Variants in SCN3A observed in about 807,000 individuals in gnomAD.
The protein encoded by SCN3A is sodium voltage-gated channel alpha subunit 3.
A neutral mutation model predicts 187.6 loss-of-function variants in SCN3A; 60 were observed. The ratio of observed to expected loss-of-function variants is 0.32; its 90% CI spans 0.26 to 0.40. The LOEUF is 0.40. Among genes scored for constraint, SCN3A ranks in the 10% least tolerant of loss-of-function variants. The pLI, the probability that SCN3A is intolerant of heterozygous loss-of-function variation, is 1.00. For synonymous variants in SCN3A, 788 were observed against 829.2 expected, an observed-to-expected ratio of 0.95 and a Z score of 0.85; for missense variants, 1,601 against 2,428.2, an observed-to-expected ratio of 0.66 and a Z score of 7.16.
chr2:165,163,570 T>C lies in SCN3A; in HGVS notation c.694+48A>G, dbSNP rs770045622. 3.1e-5 allele frequency: 50 copies of C among 1,598,412 alleles called. No homozygotes were observed. The Admixed American group carries it at 8.5e-4, about 27-fold the overall frequency. On this transcript the variant is annotated intron_variant, in intron 7 of 27. Transcript: ENST00000283254. ...ATGCTGTAAGTCATATAAATTGATT[T>C]CAAACTCAATAATTAAAGTCAACCT...
Position 165,112,896 on chromosome 2 carries a change from A to G in SCN3A, c.3832T>C (p.Leu1278=). Residue 1278 remains leucine, a synonymous_variant, in exon 21 of 28, where the codon TTG becomes CTG. Transcript: ENST00000283254. ...FTNAWCWLDF[L]IVDVSLVSLV... ...CTTAAAATACTTACATCAACGATCA[A>G]GAAATCTAGCCAGCACCAGGCATTA... 1 of 1,613,334 alleles carries G rather than the reference A, an allele frequency of 6.2e-7. No homozygotes were observed. Among genetic ancestry groups the G allele is most frequent in the Admixed American group, 1.7e-5 (1 of 60,000 alleles).
intron 9 of SCN3A, among the ~76,000 whole-genome samples, chr2:165,160,199 C>T (rs1391359120): frequency 1.1e-5 from 1 of 89,198 alleles, no homozygotes; most frequent in Non-Finnish European, 1.9e-5. Context: ...GCCTGTAATC[C>T]CCAGCACTTT....
intron 19 of SCN3A, among the ~76,000 whole-genome samples, chr2:165,115,221 A>AT (rs1159225329): frequency 2.0e-5 from 3 of 147,586 alleles, no homozygotes; most frequent in African/African-American, 7.4e-5. Flanking sequence ...GAGCTAATTT[A>AT]TTTTTTCTTT....
intron 23 of SCN3A, among the ~76,000 whole-genome samples, chr2:165,096,806 A>G (rs1051132463): frequency 3.9e-5 from 6 of 152,182 alleles, no homozygotes; most frequent in Non-Finnish European, 8.8e-5. Context: ...CTTATATGTT[A>G]AAGTGTAAGC....
intron 1 of SCN3A, among the ~76,000 whole-genome samples, chr2:165,190,993 C>T (rs1559280092): frequency 2.0e-5 from 3 of 151,026 alleles, no homozygotes; most frequent in Non-Finnish European, 1.5e-5. Context: ...ACAGATAATG[C>T]TGATGTTGCC....
rs769517802 is a variant in SCN3A, at chr2:165,097,303, C to G, written c.4188G>C (p.Val1396=). 1.3e-5 allele frequency: 21 copies of G among 1,614,088 alleles called. No homozygotes were observed. The highest frequency in any genetic ancestry group is 1.8e-5 in the Non-Finnish European group (21 of 1,179,978). Residue 1396 remains valine (V), a synonymous_variant, in exon 23 of 28, where the codon GTG becomes GTC. Coordinates refer to ENST00000283254, the MANE Select transcript of SCN3A (RefSeq NM_006922.4). ...CGCCAACATTATCAAAGTTTACTTT[C>G]ACGTTTTTCCACCGAGCTTGCTTGC... ...ALGKQARWKN[V]KVNFDNVGAG...
Position 165,162,623 on chromosome 2 carries a change from A to G in SCN3A, c.900T>C (p.Asp300=). The G allele has an allele frequency of 6.2e-7, 1 of 1,614,152 alleles. No individual in the cohort carries two copies. ...TTACATTAACAAATGTCCCATTTGAATCCATTGTGCCATTAAAGTAGGAAG... is the reference window on the plus strand; with the variant it reads ...TTACATTAACAAATGTCCCATTTGAGTCCATTGTGCCATTAAAGTAGGAAG... ...NTTSYFNGTM[D]SNGTFVNVTM... Residue 300 remains aspartate, a synonymous_variant, in exon 8 of 28, where the codon GAT becomes GAC. Coordinates refer to ENST00000283254, the MANE Select transcript of SCN3A (RefSeq NM_006922.4).
intron 2 of SCN3A, among the ~76,000 whole-genome samples, chr2:165,185,016 G>A (rs1223234550): frequency 6.6e-6 from 1 of 150,910 alleles, no homozygotes; most frequent in Non-Finnish European, 1.5e-5. Flanking sequence ...TTAACGAGAT[G>A]ATCTATTTCT....
Position 165,140,910 on chromosome 2 carries a change from A to G in SCN3A, c.1760T>C (p.Val587Ala), listed in dbSNP as rs794727101. Residue 587 changes from valine to alanine, a missense_variant, in exon 13 of 28, where the codon GTT (valine) becomes GCT (alanine). Physicochemically the swap from Val to Ala is moderately conservative, Grantham distance 64. Transcript: ENST00000283254. The surrounding 1 kb of genome is among the most constrained non-coding windows in gnomAD (Gnocchi z 4.2). Reference protein sequence around the residue: ...IFSFRGRAKDVGSENDFADDE... With the variant: ...IFSFRGRAKDAGSENDFADDE... ...ATCAGCAAAGTCATTTTCAGATCCAACATCCTTTGCCCGACCTCTGAAACT... is the reference window on the plus strand; with the variant it reads ...ATCAGCAAAGTCATTTTCAGATCCAGCATCCTTTGCCCGACCTCTGAAACT... 2 of 1,614,036 alleles carry G rather than the reference A, an allele frequency of 1.2e-6. No homozygotes were observed. The highest frequency in any genetic ancestry group is 2.2e-5 in the East Asian group (1 of 44,872).
intron 15 of SCN3A, among the ~76,000 whole-genome samples, chr2:165,134,182 A>T (rs1418260439): frequency 6.6e-6 from 1 of 152,210 alleles, no homozygotes; most frequent in Non-Finnish European, 1.5e-5. Context: ...ATAAATGTGT[A>T]TTTGACAATA....
intron 1 of SCN3A, among the ~76,000 whole-genome samples, chr2:165,188,827 A>G (rs1048514636): frequency 6.7e-6 from 1 of 148,676 alleles, no homozygotes; most frequent in South Asian, 2.1e-4. Flanking sequence ...AAAAAAAAAA[A>G]GAATCACTTG....
chr2:165,107,484 A>G (rs1371766344), intron 21 of SCN3A, among the ~76,000 whole-genome samples: 1 of 152,230 alleles, frequency 6.6e-6, no homozygotes, highest in Non-Finnish European at 1.5e-5. Flanking sequence ...ACAATAATTT[A>G]TAATTATTTA....
intron 26 of SCN3A, chr2:165,094,047 T>A (rs73969176): frequency 0.24 from 82,088 of 348,620 alleles, 10,042 homozygotes; most frequent in African/African-American, 0.32. Context: ...GAGGGAGGCC[T>A]TGGAGAGTGG....
intron 1 of SCN3A, among the ~76,000 whole-genome samples, chr2:165,194,394 T>C (rs548612863): frequency 1.3e-5 from 2 of 152,262 alleles, no homozygotes; most frequent in Admixed American, 1.3e-4. Context: ...TCTGAGGGTA[T>C]AGCAATACCC....
At chr2:165,192,469 A>G (rs1219732102) in intron 1 of SCN3A, among the ~76,000 whole-genome samples, 1 of 152,174 alleles carries the variant, frequency 6.6e-6, no homozygotes, top group East Asian at 1.9e-4. Flanking sequence ...TAAGAAAACT[A>G]TAATGTTCAG....
At chr2:165,132,730 T>G (rs1488573194) in intron 15 of SCN3A, among the ~76,000 whole-genome samples, 3 of 152,182 alleles carry the variant, frequency 2.0e-5, no homozygotes, top group Non-Finnish European at 4.4e-5. Context: ...GGCAAGGACT[T>G]CACGTCTAAA....
intron 5 of SCN3A, among the ~76,000 whole-genome samples, chr2:165,164,903 G>A (rs1015703040): frequency 6.6e-6 from 1 of 152,036 alleles, no homozygotes; most frequent in African/African-American, 2.4e-5. Flanking sequence ...GCAAGTCAAC[G>A]TATTTTTTAT....
chr2:165,162,378 A>AT lies in SCN3A; in HGVS notation c.968-8dup. 6.2e-7 allele frequency: 1 copy of AT among 1,613,424 alleles called. No individual in the cohort carries two copies. Among genetic ancestry groups the AT allele is most frequent in the Non-Finnish European group, 8.5e-7 (1 of 1,179,572 alleles). ...TCCAAAACATAAAAGTGACCTGTTA[A>AT]TACAAAAAAAAACCCATTTTATTTC... On this transcript the variant is annotated splice_region_variant and splice_polypyrimidine_tract_variant and intron_variant, in intron 8 of 27. Transcript: ENST00000283254.
chr2:165,127,727 G>C lies in SCN3A; in HGVS notation c.3297C>G (p.Leu1099=), dbSNP rs35421601. ...CAACAGCAATTGGCACTGTGACGGT[G>C]AGGCTGGGGTTGTTTATGAATGACA... ...DYMSFINNPS[L]TVTVPIAVGE... is the part of the protein sequence containing the mutation. The change falls in exon 18 of 28, where the codon CTC becomes CTG. Residue 1099 remains leucine (L), a synonymous_variant. Transcript: ENST00000283254. 6.2e-7 allele frequency: 1 copy of C among 1,614,142 alleles called. No individual in the cohort carries two copies. Among genetic ancestry groups the C allele is most frequent in the Non-Finnish European group, 8.5e-7 (1 of 1,180,016 alleles).
Sources: allele counts gnomAD v4.1 joint callset (sites outside exome capture counted in the v4.1 genomes callset), GRCh38; gene constraint gnomAD v4.1.1; non-coding constraint Gnocchi (gnomAD v3.1); transcripts MANE v1.5; gene names NCBI Gene and HGNC (gene_info 2026-07-23, HGNC 2026-07-21).